PHYH: variants seen among roughly 807,000 people sequenced by gnomAD.
The protein encoded by PHYH is phytanoyl-CoA 2-hydroxylase.
In PHYH, 32 loss-of-function variants were observed where a neutral mutation model predicts 38.5. The observed-to-expected ratio is 0.83, with a 90% CI of 0.63 to 1.12. The LOEUF (loss-of-function observed/expected upper bound fraction) is 1.12, where lower values mean the gene tolerates loss of function less well. PHYH is among the 50% of genes most tolerant of loss of function. PHYH has a pLI of 0.00. For missense variants in PHYH, 426 were observed against 434.8 expected, an observed-to-expected ratio of 0.98 and a Z score of 0.18; for synonymous variants, 166 against 157.9, an observed-to-expected ratio of 1.05 and a Z score of -0.38.
chr10:13,299,415 C>T (rs1474031866), intron 1 of PHYH: 2 of 1,000,474 alleles, frequency 2.0e-6, no homozygotes, highest in African/African-American at 3.5e-5. Flanking sequence ...CGCGCCAGTC[C>T]TCACCCGCTG....
chr10:13,286,245 C>T (rs1378883958), intron 6 of PHYH, among the ~76,000 whole-genome samples: 8 of 152,092 alleles, frequency 5.3e-5, no homozygotes, highest in Non-Finnish European at 1.0e-4. Flanking sequence ...ATGCCTATAC[C>T]TCTAACGCGT....
At chr10:13,284,783 C>T (rs1835505082) in intron 6 of PHYH, among the ~76,000 whole-genome samples, 1 of 151,610 alleles carries the variant, frequency 6.6e-6, no homozygotes, top group Non-Finnish European at 1.5e-5. Context: ...ACATGAGAAG[C>T]ACCTTAGGAG....
chr10:13,283,837 C>T lies in PHYH; in HGVS notation c.681G>A (p.Gly227=), dbSNP rs748113589. 5.0e-6 allele frequency: 8 copies of T among 1,613,464 alleles called. No homozygotes were observed. The highest frequency in any genetic ancestry group is 1.3e-5 in the African/African-American group (1 of 74,866). The part of the protein sequence containing the change: ...LKPHDYPKWE[G]GVNKMFHGIQ... ...TCCCGTGGAACATTTTGTTAACTCC[C>T]CCCTAGAACAAGAGGCAAGTGAAGT... is the stretch of plus-strand genomic sequence containing the variant. Residue 227 remains glycine, a splice_region_variant and synonymous_variant, in exon 7 of 9, where the codon GGG becomes GGA. Coordinates refer to ENST00000263038, the MANE Select transcript of PHYH (RefSeq NM_006214.4).
intron 5 of PHYH, among the ~76,000 whole-genome samples, chr10:13,290,543 T>C (rs1835682096): frequency 6.6e-6 from 1 of 151,962 alleles, no homozygotes; most frequent in Admixed American, 6.6e-5. Flanking sequence ...GGGGACTCTC[T>C]CATGGCTGAT....
At chr10:13,294,923 G>A (rs923261353) in intron 3 of PHYH, 12 of 386,418 alleles carry the variant, frequency 3.1e-5, no homozygotes, top group East Asian at 1.9e-4. Context: ...ATATTTCACC[G>A]TATTTAGTCC....
intron 1 of PHYH, 129 bp downstream of exon 1, chr10:13,299,839 G>A: frequency 7.5e-7 from 1 of 1,327,420 alleles, no homozygotes; most frequent in Non-Finnish European, 9.6e-7. Flanking sequence ...CGGGGACGCG[G>A]CGCTGAGCGA....
intron 6 of PHYH, among the ~76,000 whole-genome samples, chr10:13,286,485 G>A (rs761452252): frequency 1.3e-5 from 2 of 152,030 alleles, no homozygotes; most frequent in Non-Finnish European, 2.9e-5. Context: ...GGCAGATCAC[G>A]AAGTCAGGAG....
At chr10:13,295,747 G>A (rs1835831889) in intron 2 of PHYH, 141 bp from the exon 3 acceptor site, 1 of 622,152 alleles carries the variant, frequency 1.6e-6, no homozygotes, top group South Asian at 1.8e-5. Flanking sequence ...ACTAGCCCAG[G>A]CAACATGATG....
chr10:13,299,579 G>A lies in PHYH; in HGVS notation c.75+389C>T, dbSNP rs1058596. On this transcript the variant is annotated intron_variant, in intron 1 of 8. Transcript: ENST00000263038. ...GTCCCGGTCACTGCCTGCCTGGGCC[G>A]GTTCCAGGCAGCCCTGCGCGCCTGT... 9 of 1,022,680 alleles carry A rather than the reference G, an allele frequency of 8.8e-6. No individual in the cohort carries two copies. The African/African-American group carries it at 1.0e-4, about 12-fold the overall frequency. The allele number at this position is 1,022,680 out of a possible 1,614,324, so 63.4% of individuals were successfully genotyped here.
rs139392108 is a variant in PHYH, at chr10:13,288,490, A to G, written c.548T>C (p.Phe183Ser). 1.2e-5 allele frequency: 20 copies of G among 1,614,076 alleles called. No homozygotes were observed. The African/African-American group carries it at 2.3e-4, about 18-fold the overall frequency. Residue 183 changes from phenylalanine (F) to serine (S), a missense_variant, in exon 6 of 9, where the codon TTC becomes TCC. Coordinates refer to ENST00000263038, the MANE Select transcript of PHYH (RefSeq NM_006214.4). ...GCAAACGATGAGATCGCTGGGCCTG[A>G]AGGGGAAATAGTGCAGGTCCTGGTG... is the stretch of plus-strand genomic sequence containing the variant. ...PLHQDLHYFP[F>S]RPSDLIVCAW...
chr10:13,289,412 G>A (rs11258310), intron 5 of PHYH, among the ~76,000 whole-genome samples: 80,914 of 151,340 alleles, frequency 0.53, 22,771 homozygotes, highest in East Asian at 0.67. Context: ...AGCCAGGATG[G>A]TCTTGATCTC....
At chr10:13,298,056 A>G (rs948305187) in intron 2 of PHYH, 131 bp downstream of exon 2, 2 of 655,790 alleles carry the variant, frequency 3.0e-6, no homozygotes, top group South Asian at 1.8e-5. Context: ...TAATTAGAAT[A>G]AGTCCTGGAA....
intron 2 of PHYH, among the ~76,000 whole-genome samples, chr10:13,296,752 C>T (rs55994622): frequency 0.25 from 36,983 of 150,904 alleles, 5,005 homozygotes; most frequent in African/African-American, 0.35. Flanking sequence ...GAGGTCAGAT[C>T]GGGACCATCC....
intron 6 of PHYH, among the ~76,000 whole-genome samples, chr10:13,287,455 G>C (rs569937393): frequency 1.3e-5 from 2 of 152,194 alleles, no homozygotes; most frequent in South Asian, 4.1e-4. Flanking sequence ...TAGTAAAACA[G>C]TCTTTTCTAA....
rs1835769386 is a variant in PHYH, at chr10:13,293,742, T to C, written c.414+686A>G. On this transcript the variant is annotated intron_variant, in intron 4 of 8. Transcript: ENST00000263038. ...CAGCCTTCCAAAGTGCCACTTCGCC[T>C]GGCCTTTTTATTTAATCTTGTCCTA... Among the ~76,000 whole-genome samples the C allele has an allele frequency of 3.3e-5, 5 of 152,316 alleles. No individual in the cohort carries two copies. In the South Asian group the frequency reaches 1.0e-3, roughly 32 times the overall value.
intron 8 of PHYH, among the ~76,000 whole-genome samples, chr10:13,280,639 G>A (rs950406892): frequency 1.3e-5 from 2 of 152,148 alleles, no homozygotes; most frequent in Non-Finnish European, 2.9e-5. Context: ...GAGCCACCAT[G>A]CCCAGCCAGA....
In PHYH at chr10:13,278,331, T is replaced by C. The variant is rs770624847; in HGVS notation, c.987A>G (p.Arg329=). ...NLKDIWMFRA[R]LVKGERTNL Reference sequence around the variant, plus strand: ...GATTGGTTCTTTCTCCTTTCACAAGTCGAGCTCGAAACATCCAAATATCCT... The same window carrying C: ...GATTGGTTCTTTCTCCTTTCACAAGCCGAGCTCGAAACATCCAAATATCCT... Residue 329 remains arginine (R), a synonymous_variant, in exon 9 of 9, where the codon CGA becomes CGG. Transcript: ENST00000263038. 1 of 1,612,986 alleles carries C rather than the reference T, an allele frequency of 6.2e-7. No homozygotes were observed. Among genetic ancestry groups the C allele is most frequent in the South Asian group, 1.1e-5 (1 of 91,056 alleles).
chr10:13,299,544 C>T lies in PHYH; in HGVS notation c.75+424G>A, dbSNP rs115383805. ...GCCCGGGAGGGCACCGTCCTCTCCC[C>T]TCCGGAGAGGTCCCGGTCACTGCCT... is the stretch of plus-strand genomic sequence containing the variant. On this transcript the variant is annotated intron_variant, in intron 1 of 8. Coordinates refer to ENST00000263038, the MANE Select transcript of PHYH (RefSeq NM_006214.4). 1,028 of 1,012,584 alleles carry T rather than the reference C, an allele frequency of 1.0e-3. 13 individuals are homozygous for T. In the African/African-American group the frequency reaches 0.017, roughly 16 times the overall value. 62.7% of individuals were successfully genotyped at this position (1,012,584 alleles called of 1,614,324 possible).
chr10:13,289,955 G>T (rs1488118566), intron 5 of PHYH, among the ~76,000 whole-genome samples: 61 of 117,410 alleles, frequency 5.2e-4, no homozygotes, highest in African/African-American at 2.0e-3. Context: ...AAAAAAAAAA[G>T]AAAAGAAAAA....
Sources: allele counts gnomAD v4.1 joint callset (sites outside exome capture counted in the v4.1 genomes callset), GRCh38; gene constraint gnomAD v4.1.1; transcripts MANE v1.5; gene names NCBI Gene and HGNC (gene_info 2026-07-23, HGNC 2026-07-21).